NEK10: variants seen among roughly 807,000 people sequenced by gnomAD.
The protein encoded by NEK10 is serine/threonine-protein kinase Nek10.
Under a neutral mutation model 159.8 loss-of-function variants are expected in NEK10, and 122 were observed. The ratio of observed to expected loss-of-function variants is 0.76; its 90% confidence interval spans 0.66 to 0.89. The LOEUF (loss-of-function observed/expected upper bound fraction) is 0.89. NEK10 is among the 40% of genes least tolerant of loss of function. NEK10 has a pLI of 0.00. For synonymous variants in NEK10, 466 were observed against 457.1 expected, an observed-to-expected ratio of 1.02 and a Z score of -0.25; for missense variants, 1,342 against 1,323.1, an observed-to-expected ratio of 1.01 and a Z score of -0.22.
chr3:27,318,507 A>G (rs1315074759), intron 6 of NEK10, among the ~76,000 whole-genome samples: 1 of 152,244 alleles, frequency 6.6e-6, no homozygotes, highest in Admixed American at 6.5e-5. Context: ...ATTAGAAATT[A>G]AAAGTGAGAA....
chr3:27,204,679 T>C (rs1950371643), intron 23 of NEK10, among the ~76,000 whole-genome samples: 1 of 124,024 alleles, frequency 8.1e-6, no homozygotes, highest in African/African-American at 2.8e-5. Context: ...ATGGTGTATA[T>C]GTGCCACATT....
chr3:27,137,063 T>C (rs1277746059), intron 31 of NEK10, among the ~76,000 whole-genome samples: 1 of 152,244 alleles, frequency 6.6e-6, no homozygotes, highest in African/African-American at 2.4e-5. Flanking sequence ...AATATTTACA[T>C]GTATTTTTCT....
chr3:27,176,725 A>C, intron 26 of NEK10, among the ~76,000 whole-genome samples: 1 of 152,214 alleles, frequency 6.6e-6, no homozygotes, highest in Admixed American at 6.5e-5. Context: ...TTTTATTCTA[A>C]GTAAATCATC....
chr3:27,354,357 C>T (rs1399007668), intron 1 of NEK10, among the ~76,000 whole-genome samples: 2 of 152,082 alleles, frequency 1.3e-5, no homozygotes, highest in Non-Finnish European at 2.9e-5. Context: ...ATGATCTAAT[C>T]GTTATATCTG....
chr3:27,157,321 T>A (rs1054166650), intron 30 of NEK10, among the ~76,000 whole-genome samples: 1 of 151,946 alleles, frequency 6.6e-6, no homozygotes, highest in African/African-American at 2.4e-5. Flanking sequence ...ATTTAAAAAA[T>A]TTAAAAAATT....
intron 22 of NEK10, among the ~76,000 whole-genome samples, chr3:27,270,379 C>T (rs903356018): frequency 3.3e-5 from 5 of 152,168 alleles, no homozygotes; most frequent in African/African-American, 1.2e-4. Context: ...ACCCTCCAGC[C>T]CCAGTCCAGG....
intron 22 of NEK10, 47 bp downstream of exon 22, chr3:27,284,555 G>T: frequency 9.6e-7 from 1 of 1,040,212 alleles, no homozygotes; most frequent in Non-Finnish European, 1.5e-6. Context: ...CTCTAGGATA[G>T]TATTCAGGAA....
intron 3 of NEK10, among the ~76,000 whole-genome samples, chr3:27,350,028 G>A (rs1001551517): frequency 4.6e-5 from 7 of 152,140 alleles, no homozygotes; most frequent in Admixed American, 1.3e-4. Context: ...CCAGAGGAAG[G>A]GCATTCAGTT....
At chr3:27,360,154 T>C (rs1032874013) in intron 1 of NEK10, among the ~76,000 whole-genome samples, 3 of 152,200 alleles carry the variant, frequency 2.0e-5, no homozygotes, top group Non-Finnish European at 4.4e-5. Flanking sequence ...TTATATTACA[T>C]TGTTATTGTT....
intron 5 of NEK10, among the ~76,000 whole-genome samples, chr3:27,329,531 T>C (rs543507673): frequency 5.3e-5 from 8 of 152,308 alleles, no homozygotes; most frequent in African/African-American, 1.9e-4. Flanking sequence ...ATTTATTGAT[T>C]TGGCCAGGTT....
At chr3:27,358,199 G>A (rs2048448725) in intron 1 of NEK10, among the ~76,000 whole-genome samples, 2 of 152,126 alleles carry the variant, frequency 1.3e-5, no homozygotes, top group African/African-American at 4.8e-5. Flanking sequence ...TTGTTATTTT[G>A]TTATATAGGG....
chr3:27,349,408 A>G (rs1021182890), intron 3 of NEK10, among the ~76,000 whole-genome samples: 1 of 152,092 alleles, frequency 6.6e-6, no homozygotes, highest in Non-Finnish European at 1.5e-5. Flanking sequence ...TTGGCTTCCT[A>G]TTCCTCAAAA....
chr3:27,216,557 G>T (rs1264171322), intron 23 of NEK10: 1 of 152,182 alleles, frequency 6.6e-6, no homozygotes, highest in Admixed American at 6.5e-5. Context: ...TATATTTTCA[G>T]AACTCTACCT....
rs369086134 is a variant in NEK10 at position 27,168,844 on chromosome 3, T to G, written c.2831+2975A>C. On this transcript the variant is annotated intron_variant, in intron 29 of 35. Transcript: ENST00000691995. ...CCACTTTCCATATCCATCTGTTGACTTGGTCATAACCCCAAGTTAAAGCTT... is the reference window on the plus strand; with the variant it reads ...CCACTTTCCATATCCATCTGTTGACGTGGTCATAACCCCAAGTTAAAGCTT... Among the ~76,000 whole-genome samples, 8 of 152,246 alleles carry G rather than the reference T, an allele frequency of 5.3e-5. No individual in the cohort carries two copies. The East Asian group carries it at 7.7e-4, about 15-fold the overall frequency.
In NEK10 at chr3:27,248,943, G is replaced by A. The variant is rs1296829953; in HGVS notation, c.2090+7353C>T. Among the ~76,000 whole-genome samples, 3 of 152,116 alleles carry A rather than the reference G, an allele frequency of 2.0e-5. No homozygotes were observed. In the East Asian group the frequency reaches 5.8e-4, roughly 29 times the overall value. On this transcript the variant is annotated intron_variant, in intron 23 of 35. Transcript: ENST00000691995. The stretch of plus-strand genomic sequence containing the variant: ...ATCTGGGAGGTCTGTCCAATGCTAT[G>A]GGGTATTGAAGTCTCCAGCTATTAT...
At chr3:27,268,116 G>C (rs2041053221) in intron 22 of NEK10, among the ~76,000 whole-genome samples, 1 of 152,226 alleles carries the variant, frequency 6.6e-6, no homozygotes, top group African/African-American at 2.4e-5. Context: ...TGAAGACTGA[G>C]AGAGGTGAGA....
chr3:27,281,075 A>C (rs564171458), intron 22 of NEK10, among the ~76,000 whole-genome samples: 2 of 152,088 alleles, frequency 1.3e-5, no homozygotes, highest in South Asian at 2.1e-4. Context: ...ATAAGACAAA[A>C]ATTTTTGAAA....
At chr3:27,205,947 G>A (rs937640465) in intron 23 of NEK10, among the ~76,000 whole-genome samples, 12 of 147,252 alleles carry the variant, frequency 8.1e-5, no homozygotes, top group East Asian at 2.0e-4. Context: ...GAAAATTTTC[G>A]CAACCTACTC....
chr3:27,289,500 T>C (rs1034521685), intron 19 of NEK10, among the ~76,000 whole-genome samples: 1 of 152,212 alleles, frequency 6.6e-6, no homozygotes, highest in African/African-American at 2.4e-5. Flanking sequence ...GTTTCTTTTC[T>C]TAGGAAATGT....
Sources: gnomAD v4.1 joint callset for allele counts (sites outside exome capture counted in the v4.1 genomes callset) on GRCh38, gnomAD v4.1.1 for gene constraint, MANE v1.5 for transcripts, NCBI Gene and HGNC (gene_info 2026-07-23, HGNC 2026-07-21) for gene names.